DMD: variants seen among roughly 807,000 people sequenced by gnomAD.
DMD encodes the protein dystrophin, also known as mutant dystrophin.
Under a neutral mutation model 330.1 loss-of-function variants are expected in DMD, and 63 were observed. That is an observed-to-expected ratio of 0.19 (90% CI 0.16 to 0.24). DMD has a LOEUF of 0.24. Ranked by LOEUF, DMD falls within the 10% of genes least tolerant of loss-of-function variation. The pLI, the probability that DMD is intolerant of heterozygous loss-of-function variation, is 1.00. For synonymous variants in DMD, 1,223 were observed against 959.8 expected (o/e 1.27, Z -5.07); for missense variants, 3,344 against 2,684.1 (o/e 1.25, Z -5.43).
chrX:32,011,055 T>TA (rs1469992319), intron 44 of DMD, among the ~76,000 whole-genome samples: 4 of 112,471 alleles, frequency 3.6e-5, no homozygotes, highest in African/African-American at 1.3e-4. Context: ...TCCTGAATGT[T>TA]AGTGGGGGAA....
At chrX:32,152,982 T>C (rs753120003) in intron 44 of DMD, among the ~76,000 whole-genome samples, 6 of 112,041 alleles carry the variant, frequency 5.4e-5, no homozygotes, top group Non-Finnish European at 9.4e-5. Flanking sequence ...CTTAAAAATG[T>C]ATTTGTATAT....
intron 44 of DMD, among the ~76,000 whole-genome samples, chrX:32,180,902 A>C (rs1174428067): frequency 9.0e-6 from 1 of 111,208 alleles, no homozygotes; most frequent in African/African-American, 3.3e-5. Flanking sequence ...CTCCCTTGAC[A>C]TGTGGGGATT....
chrX:33,223,307 T>G (rs1400048789), intron 1 of DMD, among the ~76,000 whole-genome samples: 3 of 111,262 alleles, frequency 2.7e-5, no homozygotes, highest in Non-Finnish European at 3.8e-5. Context: ...AGAGGGAGAC[T>G]CCATCTCAAA....
chrX:31,507,354 C>T lies in DMD; in HGVS notation c.8317G>A (p.Val2773Ile). 5.8e-6 allele frequency: 7 copies of T among 1,211,433 alleles called. No homozygotes were observed. The highest frequency in any genetic ancestry group is 7.8e-6 in the Non-Finnish European group (7 of 895,233). Residue 2773 changes from valine (V) to isoleucine (I), a missense_variant, in exon 56 of 79, where the codon GTC becomes ATC. Coordinates refer to ENST00000357033, the MANE Select transcript of DMD (RefSeq NM_004006.3). ...LRSLEGSDDA[V>I]LLQRRLDNMN... ...TTATCCAAACGTCTTTGTAACAGGA[C>T]TGCATCATCGGAACCTTCCAGGGAT...
At chrX:31,555,389 C>T (rs144482595) in intron 55 of DMD, among the ~76,000 whole-genome samples, 2 of 111,916 alleles carry the variant, frequency 1.8e-5, no homozygotes, top group African/African-American at 3.2e-5. Flanking sequence ...CCAAAAGATA[C>T]CCAATATTCA....
At chrX:32,882,138 G>A (rs917302595) in intron 2 of DMD, among the ~76,000 whole-genome samples, 2 of 111,724 alleles carry the variant, frequency 1.8e-5, no homozygotes, top group Non-Finnish European at 3.8e-5. Flanking sequence ...GCAGAGGTCC[G>A]GGCCTCAGTC....
intron 1 of DMD, among the ~76,000 whole-genome samples, chrX:33,185,548 A>G (rs1190348960): frequency 1.8e-5 from 2 of 111,534 alleles, no homozygotes; most frequent in Non-Finnish European, 1.9e-5. Context: ...AACTTCAACT[A>G]TCATCTATCT....
At chrX:31,366,481 A>T (rs2059243199) in intron 60 of DMD, among the ~76,000 whole-genome samples, 1 of 100,047 alleles carries the variant, frequency 1.0e-5, no homozygotes, top group African/African-American at 3.8e-5. Flanking sequence ...AAAAAAAAAA[A>T]AAAAAAAAAA....
intron 7 of DMD, among the ~76,000 whole-genome samples, chrX:32,766,525 CTT>C (rs941890706): frequency 9.0e-6 from 1 of 110,980 alleles, no homozygotes. Flanking sequence ...TAAAATATAA[CTT>C]ATTTCTGTAT....
chrX:31,269,239 A>C (rs1405055669), intron 62 of DMD, among the ~76,000 whole-genome samples: 1 of 111,980 alleles, frequency 8.9e-6, no homozygotes, highest in East Asian at 2.8e-4. Flanking sequence ...TTTGGAAAAG[A>C]ACATAATTGA....
chrX:32,548,705 T>C (rs1468306817), intron 16 of DMD, among the ~76,000 whole-genome samples: 2 of 111,959 alleles, frequency 1.8e-5, no homozygotes, highest in African/African-American at 6.5e-5. Flanking sequence ...TATAAGATAT[T>C]ATCTGCAAAA....
intron 44 of DMD, among the ~76,000 whole-genome samples, chrX:32,144,983 G>A (rs975067270): frequency 9.0e-6 from 1 of 111,707 alleles, no homozygotes; most frequent in South Asian, 3.8e-4. Flanking sequence ...GTGGTGAGCC[G>A]AGATCGCACC....
chrX:31,756,501 C>T (rs749866869), intron 51 of DMD, among the ~76,000 whole-genome samples: 117 of 112,847 alleles, frequency 1.0e-3, no homozygotes, highest in African/African-American at 2.9e-3. Context: ...CGCATGCACG[C>T]GCACATATGG....
chrX:33,028,093 A>G (rs2094036094), intron 1 of DMD, among the ~76,000 whole-genome samples: 1 of 112,212 alleles, frequency 8.9e-6, no homozygotes, highest in African/African-American at 3.2e-5. Flanking sequence ...TTCACAGTGT[A>G]GAGAATATTT....
intron 61 of DMD, among the ~76,000 whole-genome samples, chrX:31,325,012 G>GA (rs1569526516): frequency 8.9e-6 from 1 of 112,130 alleles, no homozygotes; most frequent in East Asian, 2.8e-4. Flanking sequence ...AACGATATAG[G>GA]AAATGGATTT....
chrX:33,006,110 G>A (rs2093390965), intron 2 of DMD, among the ~76,000 whole-genome samples: 1 of 111,368 alleles, frequency 9.0e-6, no homozygotes, highest in African/African-American at 3.3e-5. Flanking sequence ...CTAAATGAAT[G>A]GTGAAATATT....
intron 16 of DMD, among the ~76,000 whole-genome samples, chrX:32,547,497 C>T (rs753756928): frequency 1.8e-5 from 2 of 110,899 alleles, no homozygotes; most frequent in African/African-American, 6.5e-5. Context: ...AATACTACTT[C>T]ATTTCCTTCG....
At chrX:31,150,962 A>G (rs1029825999) in intron 74 of DMD, among the ~76,000 whole-genome samples, 5 of 112,184 alleles carry the variant, frequency 4.5e-5, no homozygotes, top group African/African-American at 1.6e-4. Context: ...CAGAAATAGA[A>G]TCTCCTATCT....
At chrX:32,547,410 C>A (rs2049083121) in intron 16 of DMD, among the ~76,000 whole-genome samples, 2 of 110,861 alleles carry the variant, frequency 1.8e-5, no homozygotes, top group African/African-American at 3.3e-5. Flanking sequence ...AAAAATGAAT[C>A]ATTTTTAATA....
Sources: gnomAD v4.1 joint callset for allele counts (sites outside exome capture counted in the v4.1 genomes callset) on GRCh38, gnomAD v4.1.1 for gene constraint, MANE v1.5 for transcripts, NCBI Gene and HGNC (gene_info 2026-07-23, HGNC 2026-07-21) for gene names.